The following MYO3A variants were observed in gnomAD, a reference collection of about 807,000 sequenced individuals.
MYO3A encodes the protein myosin IIIA.
In MYO3A, 180 loss-of-function variants were observed where a neutral mutation model predicts 192.7. The ratio of observed to expected loss-of-function variants is 0.93; its 90% CI spans 0.83 to 1.06. The LOEUF (loss-of-function observed/expected upper bound fraction) is 1.06, where lower values mean the gene tolerates loss of function less well. Among genes scored for constraint, MYO3A ranks in the 50% least tolerant of loss-of-function variants. The pLI, the probability that MYO3A is intolerant of heterozygous loss-of-function variation, is 0.00. For missense variants in MYO3A, 1,896 were observed against 1,905.0 expected (o/e 1.00, Z 0.09); for synonymous variants, 628 against 645.3 (o/e 0.97, Z 0.41).
intron 4 of MYO3A, among the ~76,000 whole-genome samples, chr10:25,957,447 C>G (rs1589422): frequency 0.043 from 6,574 of 152,198 alleles, 183 homozygotes; most frequent in Middle Eastern, 0.062. Flanking sequence ...TGTAAATTGT[C>G]CAGTCTCGTG....
At chr10:25,963,797 A>G (rs1838090306) in intron 4 of MYO3A, among the ~76,000 whole-genome samples, 1 of 152,208 alleles carries the variant, frequency 6.6e-6, no homozygotes, top group South Asian at 2.1e-4. Context: ...TTTAAAGGGC[A>G]GGATAGAAAC....
chr10:26,096,950 AATAC>A (rs1361723606), intron 17 of MYO3A, among the ~76,000 whole-genome samples: 1 of 150,940 alleles, frequency 6.6e-6, no homozygotes, highest in Non-Finnish European at 1.5e-5. Flanking sequence ...TATATATATA[AATAC>A]ATATATAATT....
chr10:26,069,888 T>A (rs1835088426), intron 12 of MYO3A, among the ~76,000 whole-genome samples: 1 of 152,088 alleles, frequency 6.6e-6, no homozygotes, highest in Non-Finnish European at 1.5e-5. Flanking sequence ...CTTTATGTCA[T>A]ATCATATTTC....
intron 6 of MYO3A, among the ~76,000 whole-genome samples, chr10:26,014,974 G>A (rs945749479): frequency 4.6e-5 from 7 of 152,052 alleles, no homozygotes; most frequent in African/African-American, 1.7e-4. Context: ...CAAGAATAAA[G>A]CCTGCATGTT....
chr10:26,154,894 C>G, intron 25 of MYO3A, 71 bp downstream of exon 25: 1 of 1,235,468 alleles, frequency 8.1e-7, no homozygotes, highest in Non-Finnish European at 1.2e-6. Context: ...AGATCAAAAG[C>G]CAGTAACACT....
At chr10:26,010,503 G>GC (rs1185632437) in intron 6 of MYO3A, among the ~76,000 whole-genome samples, 2 of 107,890 alleles carry the variant, frequency 1.9e-5, no homozygotes, top group Non-Finnish European at 3.5e-5. Context: ...TTGCTCTGTT[G>GC]CCCAGGCTGG....
chr10:26,169,404 G>A (rs1841930498), intron 28 of MYO3A, among the ~76,000 whole-genome samples: 1 of 152,126 alleles, frequency 6.6e-6, no homozygotes, highest in Admixed American at 6.6e-5. Flanking sequence ...AATTTAGATA[G>A]AGCTTGTCAC....
At chr10:26,079,788 C>T (rs7089679) in intron 14 of MYO3A, among the ~76,000 whole-genome samples, 1,717 of 152,136 alleles carry the variant, frequency 0.011, 36 homozygotes, top group African/African-American at 0.037. Flanking sequence ...TGCTTAGTTT[C>T]GCTGGATACA....
chr10:26,046,492 C>T (rs1393638387), intron 10 of MYO3A, among the ~76,000 whole-genome samples: 10 of 152,190 alleles, frequency 6.6e-5, no homozygotes, highest in Admixed American at 6.5e-4. Context: ...CATCAGTGCC[C>T]TCACCCTGGA....
At chr10:26,080,885 C>G (rs928644360) in intron 14 of MYO3A, among the ~76,000 whole-genome samples, 6 of 152,192 alleles carry the variant, frequency 3.9e-5, no homozygotes, top group South Asian at 2.1e-4. Context: ...GTTGTCCACA[C>G]AGAGTCCTGT....
At chr10:26,198,753 A>G (rs897287459) in intron 32 of MYO3A, among the ~76,000 whole-genome samples, 3 of 152,280 alleles carry the variant, frequency 2.0e-5, no homozygotes, top group Non-Finnish European at 2.9e-5. Flanking sequence ...CTAAGACACT[A>G]TTCTTTAAAG....
chr10:25,937,329 GCAGA>G (rs1376392361), intron 2 of MYO3A, among the ~76,000 whole-genome samples: 23 of 152,102 alleles, frequency 1.5e-4, no homozygotes, highest in African/African-American at 5.6e-4. Flanking sequence ...CCTCACTCCT[GCAGA>G]CATTTGAGTT....
chr10:25,985,911 G>C (rs1319009942), intron 4 of MYO3A, among the ~76,000 whole-genome samples: 10 of 151,780 alleles, frequency 6.6e-5, no homozygotes. Flanking sequence ...CTGCAGACCA[G>C]AAGAAAACTG....
intron 2 of MYO3A, among the ~76,000 whole-genome samples, chr10:25,946,723 C>G (rs1836855660): frequency 6.6e-6 from 1 of 151,044 alleles, no homozygotes; most frequent in Non-Finnish European, 1.5e-5. Context: ...ACTAAAAATA[C>G]AAAAAATTAG....
At chr10:26,183,320 C>G (rs907716022) in intron 31 of MYO3A, among the ~76,000 whole-genome samples, 1 of 152,108 alleles carries the variant, frequency 6.6e-6, no homozygotes, top group South Asian at 2.1e-4. Context: ...GTCAGGAGAT[C>G]GAGACCATCC....
At position 25,952,176 on chromosome 10, in the gene MYO3A, A is replaced by T. The variant is rs112508658; in HGVS notation, c.66A>T (p.Glu22Asp). The T allele has an allele frequency of 6.2e-7, 1 of 1,612,488 alleles. No homozygotes were observed. Among genetic ancestry groups the T allele is most frequent in the Non-Finnish European group, 8.5e-7 (1 of 1,178,874 alleles). ...DNFPDPSDTW[E>D]ITETIGKGTY... ...TTCCTGATCCTTCTGATACATGGGA[A>T]ATCACTGAGACAATTGGCAAAGGAA... Residue 22 changes from glutamate to aspartate, a missense_variant, in exon 3 of 35, where the codon GAA becomes GAT. Glu to Asp is a conservative substitution (Grantham distance 45). Coordinates refer to ENST00000642920, the MANE Select transcript of MYO3A (RefSeq NM_017433.5).
At position 26,157,294 on chromosome 10, in the gene MYO3A, T is replaced by C. The variant is rs1841194961; in HGVS notation, c.2794-16T>C. The C allele has an allele frequency of 6.2e-7, 1 of 1,611,850 alleles. No homozygotes were observed. The highest frequency in any genetic ancestry group is 1.1e-5 in the South Asian group (1 of 91,018). ...GTATGCTACATTGGGAAATTTATTT[T>C]TGTTGTGTATTATAGTATTCCCTGA... On this transcript the variant is annotated splice_polypyrimidine_tract_variant and intron_variant, in intron 25 of 34. Coordinates refer to ENST00000642920, the MANE Select transcript of MYO3A (RefSeq NM_017433.5).
At chr10:26,179,654 C>G (rs1057434820) in intron 31 of MYO3A, among the ~76,000 whole-genome samples, 1 of 152,020 alleles carries the variant, frequency 6.6e-6, no homozygotes, top group Non-Finnish European at 1.5e-5. Flanking sequence ...TCCAAGAACT[C>G]CTAGTGTTTT....
chr10:26,136,401 G>GTAA (rs1476662423), intron 20 of MYO3A, among the ~76,000 whole-genome samples: 1 of 152,224 alleles, frequency 6.6e-6, no homozygotes, highest in Non-Finnish European at 1.5e-5. Context: ...TTCCCCAGGT[G>GTAA]TAAGTTCTGT....
Sources: gnomAD v4.1 joint callset for allele counts (sites outside exome capture counted in the v4.1 genomes callset) on GRCh38, gnomAD v4.1.1 for gene constraint, MANE v1.5 for transcripts, NCBI Gene and HGNC (gene_info 2026-07-23, HGNC 2026-07-21) for gene names.